CARD14: variants seen among roughly 807,000 people sequenced by gnomAD.
The protein encoded by CARD14 is caspase recruitment domain family member 14.
In CARD14, 107 loss-of-function variants were observed where a neutral mutation model predicts 111.5. The ratio of observed to expected loss-of-function variants is 0.96; its 90% CI spans 0.82 to 1.13. CARD14 has a LOEUF of 1.13. Ranked by LOEUF, CARD14 falls within the 50% of genes most tolerant of loss-of-function variation. The probability of loss-of-function intolerance (pLI) is 0.00; values close to 1 mark genes in which losing one functional copy is unlikely to be tolerated. For synonymous variants in CARD14, 617 were observed against 579.6 expected (o/e 1.06, Z -0.93); for missense variants, 1,322 against 1,362.3 (o/e 0.97, Z 0.47).
chr17:80,197,225 T>A (rs1053193095), intron 14 of CARD14: 1 of 149,522 alleles, frequency 6.7e-6, no homozygotes, highest in African/African-American at 2.5e-5. Context: ...ACAAAAGAAA[T>A]ACAGATCCAT....
intron 7 of CARD14, among the ~76,000 whole-genome samples, chr17:80,185,292 T>A (rs7225248): frequency 6.6e-6 from 1 of 151,860 alleles, no homozygotes; most frequent in East Asian, 1.9e-4. Flanking sequence ...GCTCAAGCGA[T>A]CCTCCCACCT....
At chr17:80,181,314 C>G in intron 4 of CARD14, 105 bp from the exon 5 acceptor site, 1 of 818,314 alleles carries the variant, frequency 1.2e-6, no homozygotes, top group Middle Eastern at 3.6e-4. Context: ...GCAAAGAGTG[C>G]GCCTTGCTAA....
chr17:80,195,931 C>G lies in CARD14; in HGVS notation c.1594+279C>G. On this transcript the variant is annotated intron_variant, in intron 14 of 23. Transcript: ENST00000648509. The surrounding 1 kb of genome is among the most constrained non-coding windows in gnomAD (Gnocchi z 4.7). ...TGTCTGATCCACGCCCTGCTCAGCA[C>G]CCAGCCCCCTGCTCTGATCTGTAAC... 1 of 435,044 alleles carries G rather than the reference C, an allele frequency of 2.3e-6. No homozygotes were observed. Among genetic ancestry groups the G allele is most frequent in the African/African-American group, 2.0e-5 (1 of 49,504 alleles). 26.9% of individuals were successfully genotyped at this position (435,044 alleles called of 1,614,324 possible). A position where few individuals can be genotyped will look rare whatever the true frequency, so the allele number is the denominator to read the frequency against.
intron 2 of CARD14, among the ~76,000 whole-genome samples, chr17:80,177,021 T>C (rs2040041515): frequency 6.6e-6 from 1 of 152,194 alleles, no homozygotes; most frequent in Non-Finnish European, 1.5e-5. Flanking sequence ...ATGTATTTGC[T>C]CATGGTTCTG....
Position 80,198,952 on chromosome 17 carries a change from T to C in CARD14, c.1851+361T>C, listed in dbSNP as rs2040829537. ...GGGGCATTTCTTTTCTTTCTTTTTT[T>C]TTGTTTGTTGTTTTGAAACAGGGTC... On this transcript the variant is annotated intron_variant, in intron 16 of 23. Transcript: ENST00000648509. This position sits in a 1 kb window ranked among gnomAD's most constrained non-coding sequence, Gnocchi z 7.5. 9.0e-7 allele frequency: 1 copy of C among 1,115,880 alleles called. No individual in the cohort carries two copies. The highest frequency in any genetic ancestry group is 1.6e-5 in the African/African-American group (1 of 61,032). The allele number at this position is 1,115,880 out of a possible 1,614,324, so 69.1% of individuals were successfully genotyped here.
intron 1 of CARD14, among the ~76,000 whole-genome samples, chr17:80,171,596 G>A (rs2144061970): frequency 6.6e-6 from 1 of 152,326 alleles, no homozygotes; most frequent in Admixed American, 6.5e-5. Context: ...GGAGACTACT[G>A]TAAGTTGCTT....
chr17:80,174,997 A>T (rs1009510338), intron 2 of CARD14, among the ~76,000 whole-genome samples: 4 of 149,990 alleles, frequency 2.7e-5, no homozygotes, highest in African/African-American at 7.4e-5. Context: ...TTTTTTTAAG[A>T]CAGGGTCTCA....
In CARD14 at chr17:80,188,508, G is replaced by A. The variant is rs1009613472; in HGVS notation, c.807G>A (p.Glu269=). The A allele has an allele frequency of 3.2e-6, 5 of 1,556,590 alleles. No homozygotes were observed. In the African/African-American group the frequency reaches 6.9e-5, roughly 21 times the overall value. The change falls in exon 8 of 24, where the codon GAG becomes GAA. Residue 269 remains glutamate, a synonymous_variant. Coordinates refer to ENST00000648509, the MANE Select transcript of CARD14 (RefSeq NM_001366385.1). This position sits in a 1 kb window ranked among gnomAD's most constrained non-coding sequence, Gnocchi z 4.5. ...ATGAGGAGCTGAACCGCCTGAAGGA[G>A]GAGAATGAGAAACTGCGCTCGCTGA... ...SGDEELNRLK[E]ENEKLRSLTF...
chr17:80,190,925 G>C (rs770085425), intron 10 of CARD14, 26 bp downstream of exon 10: 2 of 1,606,752 alleles, frequency 1.2e-6, no homozygotes, highest in Non-Finnish European at 1.7e-6. Context: ...GGCCCACCCC[G>C]CCACCCCATG....
At chr17:80,187,139 G>A (rs563879908) in intron 7 of CARD14, among the ~76,000 whole-genome samples, 6 of 152,258 alleles carry the variant, frequency 3.9e-5, no homozygotes, top group East Asian at 3.9e-4. Flanking sequence ...TGTTCCGTAC[G>A]TGTGTGCTCC....
At chr17:80,192,476 C>A (rs1288286991) in intron 11 of CARD14, 27 bp from the exon 12 acceptor site, 1 of 1,585,534 alleles carries the variant, frequency 6.3e-7, no homozygotes, top group African/African-American at 1.3e-5. Flanking sequence ...CCCGAATTAA[C>A]CAGCCTGTCT....
At chr17:80,181,360 C>T in intron 4 of CARD14, 59 bp from the exon 5 acceptor site, 1 of 1,313,938 alleles carries the variant, frequency 7.6e-7, no homozygotes, top group Non-Finnish European at 1.1e-6. Flanking sequence ...CGGTGTCACC[C>T]TGGCTATCCT....
chr17:80,195,507 C>CA lies in CARD14; in HGVS notation c.1500-50dup, dbSNP rs1271395553. On this transcript the variant is annotated intron_variant, in intron 13 of 23. Transcript: ENST00000648509. This position sits in a 1 kb window ranked among gnomAD's most constrained non-coding sequence, Gnocchi z 4.7. ...GGCCAGTGCTTGGGGCGTGGGGACT[C>CA]AGAGGGAGCAGGTGATGCAGTTTGA... 4 of 1,561,766 alleles carry CA rather than the reference C, an allele frequency of 2.6e-6. No homozygotes were observed. Among genetic ancestry groups the CA allele is most frequent in the South Asian group, 1.2e-5 (1 of 86,624 alleles).
Position 80,172,901 on chromosome 17 carries a change from G to A in CARD14, c.-689-5G>A, listed in dbSNP as rs1344059397. On this transcript the variant is annotated splice_region_variant and splice_polypyrimidine_tract_variant and intron_variant, in intron 1 of 23. Transcript: ENST00000648509. Reference sequence around the variant, plus strand: ...TTTTTTTTTTTTTTTTTTTTTTTGAGGTAGAGTTTCACTCTGGCTCCTAGG... The same window carrying A: ...TTTTTTTTTTTTTTTTTTTTTTTGAAGTAGAGTTTCACTCTGGCTCCTAGG... The A allele has an allele frequency of 1.8e-5, 1 of 56,068 alleles. No individual in the cohort carries two copies. Among genetic ancestry groups the A allele is most frequent in the Non-Finnish European group, 3.6e-5 (1 of 27,770 alleles). 3.5% of individuals were successfully genotyped at this position (56,068 alleles called of 1,614,324 possible).
intron 2 of CARD14, among the ~76,000 whole-genome samples, chr17:80,174,670 T>G (rs12939929): frequency 6.6e-6 from 1 of 151,944 alleles, no homozygotes; most frequent in Non-Finnish European, 1.5e-5. Flanking sequence ...TAGTCCTGGA[T>G]GTGTGATTAA....
chr17:80,184,031 G>T lies in CARD14; in HGVS notation c.468G>T (p.Leu156=). 1 of 1,586,964 alleles carries T rather than the reference G, an allele frequency of 6.3e-7. No homozygotes were observed. The highest frequency in any genetic ancestry group is 8.6e-7 in the Non-Finnish European group (1 of 1,166,402). ...KEVLLRRCQQ[L]QEHLGLAETR... is the part of the protein sequence containing the mutation. ...TGCTGCTGCGGCGGTGCCAGCAGCT[G>T]CAGGAGCACCTGGGCCTGGCCGAGA... The change falls in exon 7 of 24, where the codon CTG becomes CTT. Residue 156 remains leucine, a synonymous_variant. Coordinates refer to ENST00000648509, the MANE Select transcript of CARD14 (RefSeq NM_001366385.1).
chr17:80,205,448 C>T (rs963428789), intron 21 of CARD14, 83 bp from the exon 22 acceptor site: 65 of 1,524,488 alleles, frequency 4.3e-5, no homozygotes, highest in South Asian at 9.7e-5. Context: ...GCAGGGTTCA[C>T]GGGGACAGGG....
rs773556389 is a variant in CARD14, at chr17:80,192,529, G to C, written c.1266G>C (p.Glu422Asp). ...GVLKQEARTREPCPREKQRLV... is the reference protein window; with the variant it reads ...GVLKQEARTRDPCPREKQRLV... ...TCAAGCAGGAAGCCAGGACCAGGGA[G>C]CCCTGTCCACGGGAGAAGCAGCGGC... The change falls in exon 12 of 24, where the codon GAG (glutamate) becomes GAC (aspartate). Residue 422 changes from glutamate (E) to aspartate (D), a missense_variant. Glu to Asp is a conservative substitution (Grantham distance 45, BLOSUM62 2). Transcript: ENST00000648509. 1.2e-6 allele frequency: 2 copies of C among 1,613,822 alleles called. No homozygotes were observed. The highest frequency in any genetic ancestry group is 3.3e-5 in the Admixed American group (2 of 60,016).
At chr17:80,194,698 A>T (rs1194466477) in intron 12 of CARD14, among the ~76,000 whole-genome samples, 1 of 152,176 alleles carries the variant, frequency 6.6e-6, no homozygotes, top group African/African-American at 2.4e-5. Context: ...AGAGAGAATG[A>T]GTGCTCAGCA....
Sources: gnomAD v4.1 joint callset for allele counts (sites outside exome capture counted in the v4.1 genomes callset) on GRCh38, gnomAD v4.1.1 for gene constraint, Gnocchi (gnomAD v3.1) non-coding constraint, MANE v1.5 for transcripts, NCBI Gene and HGNC (gene_info 2026-07-23, HGNC 2026-07-21) for gene names.